Variants in ST18 observed in about 807,000 individuals in gnomAD.
ST18 encodes suppression of tumorigenicity 18 protein.
ST18 carries 50 observed loss-of-function variants against 110.0 expected under a neutral mutation model. The observed-to-expected ratio is 0.45, with a 90% CI of 0.36 to 0.58. ST18 has a LOEUF of 0.58. Among genes scored for constraint, ST18 ranks in the 20% least tolerant of loss-of-function variants. ST18 has a pLI of 0.00. For synonymous variants in ST18, 461 were observed against 452.4 expected, an observed-to-expected ratio of 1.02 and a Z score of -0.24; for missense variants, 1,306 against 1,280.1, an observed-to-expected ratio of 1.02 and a Z score of -0.31.
intron 3 of ST18, chr8:52,222,058 C>T (rs969815511): frequency 2.0e-5 from 3 of 152,174 alleles, no homozygotes; most frequent in African/African-American, 7.2e-5. Flanking sequence ...AAAACAGTCA[C>T]ACTGGCAAAC....
intron 2 of ST18, among the ~76,000 whole-genome samples, chr8:52,273,506 T>C (rs1439508040): frequency 6.6e-6 from 1 of 152,150 alleles, no homozygotes. Context: ...CTCAGAATAT[T>C]CCACAATTCC....
chr8:52,225,516 A>G (rs72642761), intron 3 of ST18, among the ~76,000 whole-genome samples: 24 of 152,306 alleles, frequency 1.6e-4, no homozygotes, highest in Non-Finnish European at 2.9e-4. Context: ...GATGGGGCAG[A>G]TTTGATGAGG....
At chr8:52,125,702 C>T (rs528914659) in intron 23 of ST18, among the ~76,000 whole-genome samples, 1 of 151,910 alleles carries the variant, frequency 6.6e-6, no homozygotes, top group South Asian at 2.1e-4. Context: ...GTTGCCCAGG[C>T]TGGTCACAAA....
chr8:52,357,700 T>C (rs1264319729), intron 2 of ST18, among the ~76,000 whole-genome samples: 2 of 107,838 alleles, frequency 1.9e-5, no homozygotes, highest in African/African-American at 7.2e-5. Flanking sequence ...TATATATATA[T>C]ATATATATAT....
chr8:52,339,649 C>T (rs1037993386), intron 2 of ST18, among the ~76,000 whole-genome samples: 40 of 152,200 alleles, frequency 2.6e-4, no homozygotes, highest in Non-Finnish European at 1.3e-4. Flanking sequence ...GGTCTAAAGA[C>T]GGCTGAGCTC....
chr8:52,160,702 T>C (rs189179792), intron 14 of ST18, among the ~76,000 whole-genome samples: 8 of 152,334 alleles, frequency 5.3e-5, no homozygotes, highest in South Asian at 4.1e-4. Context: ...CCTGAAGAAA[T>C]GTGTAAGAAG....
chr8:52,377,397 T>C (rs1331695358), intron 2 of ST18, among the ~76,000 whole-genome samples: 1 of 152,144 alleles, frequency 6.6e-6, no homozygotes, highest in Non-Finnish European at 1.5e-5. Context: ...TAAGTTGACA[T>C]GGGCCAAATG....
At chr8:52,350,675 G>A (rs773841911) in intron 2 of ST18, among the ~76,000 whole-genome samples, 10 of 151,606 alleles carry the variant, frequency 6.6e-5, no homozygotes, top group Non-Finnish European at 8.8e-5. Flanking sequence ...ATCCTTCTAT[G>A]CCATTTTCAT....
At chr8:52,140,472 C>T (rs750092470) in intron 17 of ST18, among the ~76,000 whole-genome samples, 4 of 151,638 alleles carry the variant, frequency 2.6e-5, no homozygotes, top group South Asian at 2.1e-4. Flanking sequence ...TGCAGTGAGC[C>T]GAGAACGCAC....
intron 8 of ST18, among the ~76,000 whole-genome samples, chr8:52,196,212 G>A (rs2076141510): frequency 6.6e-6 from 1 of 152,172 alleles, no homozygotes; most frequent in Non-Finnish European, 1.5e-5. Context: ...TGCCTAGGCT[G>A]GGTCTACAAG....
chr8:52,359,021 A>G (rs551301175), intron 2 of ST18, among the ~76,000 whole-genome samples: 8 of 152,182 alleles, frequency 5.3e-5, no homozygotes, highest in Non-Finnish European at 8.8e-5. Flanking sequence ...TAAGAGGATT[A>G]TACTCTATGA....
intron 2 of ST18, among the ~76,000 whole-genome samples, chr8:52,237,749 T>G (rs117433187): frequency 6.6e-6 from 1 of 152,224 alleles, no homozygotes; most frequent in African/African-American, 2.4e-5. Context: ...GGATGGGCTA[T>G]TTTAGATTGA....
chr8:52,358,605 G>A (rs948934029), intron 2 of ST18, among the ~76,000 whole-genome samples: 1 of 151,698 alleles, frequency 6.6e-6, no homozygotes, highest in Admixed American at 6.6e-5. Flanking sequence ...TCAATGAAAT[G>A]GAAACATTTC....
At chr8:52,278,946 T>A (rs1005516874) in intron 2 of ST18, among the ~76,000 whole-genome samples, 1 of 152,156 alleles carries the variant, frequency 6.6e-6, no homozygotes, top group Admixed American at 6.5e-5. Flanking sequence ...AGATTTGCAA[T>A]GAATCTTCAA....
Position 52,370,647 on chromosome 8 carries a change from G to A in ST18, c.-465+38681C>T, listed in dbSNP as rs532273402. The stretch of plus-strand genomic sequence containing the variant: ...TGTTATTGAAATAATCACACTGCTA[G>A]CATCAAGCAGGCTTCCTCATGACGG... On this transcript the variant is annotated intron_variant, in intron 2 of 25. Transcript: ENST00000689386. 2.6e-5 allele frequency among the ~76,000 whole-genome samples: 4 copies of A among 152,282 alleles called. No homozygotes were observed. The South Asian group carries it at 6.2e-4, about 24-fold the overall frequency.
At position 52,125,961 on chromosome 8, in the gene ST18, C is replaced by T. The variant is rs1586389830; in HGVS notation, c.2755+91G>A. ...TCTTGTACATTAAAATTATGCTTCC[C>T]ACCTAGAGAATACTTTGACACACGG... On this transcript the variant is annotated intron_variant, in intron 23 of 25. Coordinates refer to ENST00000689386, the MANE Select transcript of ST18 (RefSeq NM_001352837.2). 9.8e-6 allele frequency: 9 copies of T among 920,042 alleles called. No individual in the cohort carries two copies. The East Asian group carries it at 1.8e-4, about 18-fold the overall frequency. 57.0% of individuals were successfully genotyped at this position (920,042 alleles called of 1,614,324 possible). A position where few individuals can be genotyped will look rare whatever the true frequency, so the allele number is the denominator to read the frequency against.
intron 2 of ST18, among the ~76,000 whole-genome samples, chr8:52,378,170 C>T (rs1833123495): frequency 6.6e-6 from 1 of 151,954 alleles, no homozygotes; most frequent in Non-Finnish European, 1.5e-5. Context: ...ATAAATAAGA[C>T]CTAGTATTTA....
intron 2 of ST18, among the ~76,000 whole-genome samples, chr8:52,335,816 A>C (rs1811763827): frequency 6.6e-6 from 1 of 152,000 alleles, no homozygotes; most frequent in Admixed American, 6.6e-5. Flanking sequence ...TCCCTCCTTT[A>C]ATTCATTCTC....
intron 2 of ST18, among the ~76,000 whole-genome samples, chr8:52,280,666 G>A (rs567832658): frequency 2.7e-4 from 41 of 151,924 alleles, no homozygotes; most frequent in African/African-American, 6.7e-4. Context: ...AAAATTTTTC[G>A]TTTATCAGGA....
Sources: gnomAD v4.1 joint callset for allele counts (sites outside exome capture counted in the v4.1 genomes callset) on GRCh38, gnomAD v4.1.1 for gene constraint, MANE v1.5 for transcripts, NCBI Gene and HGNC (gene_info 2026-07-23, HGNC 2026-07-21) for gene names.